Variants in SYT14 observed in about 807,000 individuals in gnomAD.
SYT14 encodes synaptotagmin-14.
A neutral mutation model predicts 74.2 loss-of-function variants in SYT14; 32 were observed. The observed-to-expected ratio is 0.43, with a 90% CI of 0.33 to 0.58. The LOEUF (loss-of-function observed/expected upper bound fraction) is 0.58. Ranked by LOEUF, SYT14 falls within the 20% of genes least tolerant of loss-of-function variation. The probability of loss-of-function intolerance (pLI) is 0.05; values close to 1 mark genes in which losing one functional copy is unlikely to be tolerated. For missense variants in SYT14, 791 were observed against 981.8 expected (o/e 0.81, Z 2.60); for synonymous variants, 298 against 337.7 (o/e 0.88, Z 1.29).
chr1:209,948,121 A>G (rs1476003445), intron 1 of SYT14, among the ~76,000 whole-genome samples: 1 of 152,234 alleles, frequency 6.6e-6, no homozygotes, highest in African/African-American at 2.4e-5. Flanking sequence ...TTATTGCGAT[A>G]TACACTTTAT....
intron 7 of SYT14, among the ~76,000 whole-genome samples, chr1:210,135,043 C>T (rs1045830965): frequency 1.3e-5 from 2 of 151,710 alleles, no homozygotes; most frequent in African/African-American, 4.8e-5. Context: ...TACAGTGGCA[C>T]AATCTCAGCT....
exon 10 of SYT14, chr1:210,162,073 T>TC (rs1421315564): frequency 9.8e-5 from 43 of 439,780 alleles, no homozygotes; most frequent in Admixed American, 4.4e-4. Flanking sequence ...TCTTCACTCT[T>TC]ACTTCAATTT....
chr1:210,157,101 C>T (rs1014931842), intron 8 of SYT14, among the ~76,000 whole-genome samples: 1 of 152,058 alleles, frequency 6.6e-6, no homozygotes, highest in Non-Finnish European at 1.5e-5. Context: ...AAAGAATTCT[C>T]ACAGACTTAC....
chr1:210,068,193 A>C (rs1293637310), intron 5 of SYT14, among the ~76,000 whole-genome samples: 1 of 151,880 alleles, frequency 6.6e-6, no homozygotes, highest in Non-Finnish European at 1.5e-5. Context: ...TTTGGAAATC[A>C]CATGGATTTT....
chr1:209,979,107 C>A (rs12094626), intron 2 of SYT14, among the ~76,000 whole-genome samples: 1 of 152,168 alleles, frequency 6.6e-6, no homozygotes, highest in Non-Finnish European at 1.5e-5. Flanking sequence ...GTCTGTCACC[C>A]CTTTCTTTGA....
At chr1:209,983,402 T>C (rs2079521956) in intron 2 of SYT14, among the ~76,000 whole-genome samples, 1 of 152,176 alleles carries the variant, frequency 6.6e-6, no homozygotes, top group Non-Finnish European at 1.5e-5. Context: ...GCCTTCTTTT[T>C]TTCCCCCTGC....
intron 2 of SYT14, among the ~76,000 whole-genome samples, chr1:209,996,815 A>G (rs1284525949): frequency 6.6e-6 from 1 of 152,156 alleles, no homozygotes; most frequent in Non-Finnish European, 1.5e-5. Flanking sequence ...TCCAACATAC[A>G]TAAATCAAAA....
chr1:210,104,263 C>G (rs1302405364), intron 7 of SYT14, among the ~76,000 whole-genome samples: 1 of 152,226 alleles, frequency 6.6e-6, no homozygotes, highest in African/African-American at 2.4e-5. Flanking sequence ...GTTTTCCTCA[C>G]CTGACCAATT....
intron 5 of SYT14, among the ~76,000 whole-genome samples, chr1:210,021,536 A>AGAT (rs1188121154): frequency 6.6e-6 from 1 of 152,218 alleles, no homozygotes; most frequent in Admixed American, 6.5e-5. Context: ...ATGATATGAA[A>AGAT]GATGTGAATC....
At chr1:210,103,569 G>A (rs2484035) in intron 7 of SYT14, among the ~76,000 whole-genome samples, 141,542 of 142,204 alleles carry the variant, frequency 1, 70,447 homozygotes, top group East Asian at 1. Context: ...AAAAAAAAAA[G>A]AGTTTAACAT....
chr1:209,997,247 A>G (rs867679139), intron 2 of SYT14, among the ~76,000 whole-genome samples: 1 of 152,276 alleles, frequency 6.6e-6, no homozygotes, highest in South Asian at 2.1e-4. Flanking sequence ...AAAGGCTGCA[A>G]GAACTGATGA....
chr1:210,149,898 G>A (rs962123286), intron 7 of SYT14, among the ~76,000 whole-genome samples: 2 of 152,178 alleles, frequency 1.3e-5, no homozygotes, highest in African/African-American at 4.8e-5. Flanking sequence ...AGACCAAGGG[G>A]GAGAAAGCAG....
At chr1:210,121,793 CAAAAAAA>C (rs71146207) in intron 7 of SYT14, among the ~76,000 whole-genome samples, 1 of 92,564 alleles carries the variant, frequency 1.1e-5, no homozygotes, top group African/African-American at 4.2e-5. Context: ...GACCCCATTT[CAAAAAAA>C]AAAAAAAGAA....
chr1:209,947,564 T>C (rs1042019564), intron 1 of SYT14, among the ~76,000 whole-genome samples: 2 of 152,196 alleles, frequency 1.3e-5, no homozygotes, highest in Non-Finnish European at 2.9e-5. Context: ...ATGATAAAAC[T>C]TGAACGGATG....
chr1:210,117,019 T>C (rs1454357703), intron 7 of SYT14, among the ~76,000 whole-genome samples: 1 of 152,186 alleles, frequency 6.6e-6, no homozygotes, highest in Non-Finnish European at 1.5e-5. Flanking sequence ...AGTTGTTTTA[T>C]TTTTAAATAA....
At chr1:210,012,539 A>G (rs1233953544) in intron 2 of SYT14, among the ~76,000 whole-genome samples, 1 of 152,176 alleles carries the variant, frequency 6.6e-6, no homozygotes, top group Non-Finnish European at 1.5e-5. Context: ...GGAGTATAAT[A>G]TTGAAAAGAG....
chr1:210,104,750 T>C (rs2082128720), intron 7 of SYT14, among the ~76,000 whole-genome samples: 1 of 152,242 alleles, frequency 6.6e-6, no homozygotes, highest in Non-Finnish European at 1.5e-5. Context: ...CTATTCTTTA[T>C]CTCACAAACA....
intron 7 of SYT14, among the ~76,000 whole-genome samples, chr1:210,130,821 CAGGT>C (rs1404928972): frequency 6.6e-6 from 1 of 152,158 alleles, no homozygotes; most frequent in Non-Finnish European, 1.5e-5. Context: ...TGTAATAACT[CAGGT>C]AGCTAGAGAA....
chr1:210,063,021 GTT>G (rs11444158), intron 5 of SYT14, among the ~76,000 whole-genome samples: 2,700 of 141,070 alleles, frequency 0.019, 100 homozygotes, highest in African/African-American at 0.064. Flanking sequence ...ATTTTTTCTA[GTT>G]TTTTTTTTTT....
Sources: allele counts gnomAD v4.1 joint callset (sites outside exome capture counted in the v4.1 genomes callset), GRCh38; gene constraint gnomAD v4.1.1; transcripts MANE v1.5; gene names NCBI Gene and HGNC (gene_info 2026-07-23, HGNC 2026-07-21).